NR6A1: variants seen among roughly 807,000 people sequenced by gnomAD.
The protein encoded by NR6A1 is nuclear receptor subfamily 6 group A member 1.
A neutral mutation model predicts 59.1 loss-of-function variants in NR6A1; 7 were observed. That is an observed-to-expected ratio of 0.12 (90% CI 0.07 to 0.22). NR6A1 has a LOEUF of 0.22. Ranked by LOEUF, NR6A1 falls within the 10% of genes least tolerant of loss-of-function variation. The probability of loss-of-function intolerance (pLI) is 1.00; values close to 1 mark genes in which losing one functional copy is unlikely to be tolerated. For synonymous variants in NR6A1, 243 were observed against 236.1 expected (o/e 1.03, Z -0.27); for missense variants, 468 against 611.6 (o/e 0.77, Z 2.48).
chr9:124,651,219 G>A (rs1318966648), intron 2 of NR6A1, among the ~76,000 whole-genome samples: 1 of 152,056 alleles, frequency 6.6e-6, no homozygotes, highest in South Asian at 2.1e-4. Flanking sequence ...ACTATGCCTG[G>A]TTAATTTTTG....
At chr9:124,561,945 T>TA (rs1157049230) in intron 2 of NR6A1, among the ~76,000 whole-genome samples, 3 of 152,000 alleles carry the variant, frequency 2.0e-5, no homozygotes, top group African/African-American at 7.2e-5. Context: ...ACAAAAAACT[T>TA]AAAAAAATGT....
At position 124,524,551 on chromosome 9, in the gene NR6A1, G is replaced by A. The variant is rs551172053; in HGVS notation, c.1354+170C>T. On this transcript the variant is annotated intron_variant, in intron 9 of 9. Coordinates refer to ENST00000487099, the MANE Select transcript of NR6A1 (RefSeq NM_033334.4). ...GAAATTAACTTCTCTTCTCTATGGAGAATGCAAGCTTCTCATTATAACAGA... is the reference window on the plus strand; with the variant it reads ...GAAATTAACTTCTCTTCTCTATGGAAAATGCAAGCTTCTCATTATAACAGA... Among the ~76,000 whole-genome samples, 162 of 152,248 alleles carry A rather than the reference G, an allele frequency of 1.1e-3. 1 individual carries two copies. The highest frequency in any genetic ancestry group is 3.8e-3 in the African/African-American group (158 of 41,536).
chr9:124,647,738 A>G (rs570518879), intron 2 of NR6A1, among the ~76,000 whole-genome samples: 34 of 117,620 alleles, frequency 2.9e-4, no homozygotes, highest in South Asian at 1.9e-3. Context: ...AAAAAAAAAA[A>G]AAAGAAAGAA....
intron 2 of NR6A1, among the ~76,000 whole-genome samples, chr9:124,588,105 AC>A (rs1431348093): frequency 6.6e-6 from 1 of 152,246 alleles, no homozygotes; most frequent in Non-Finnish European, 1.5e-5. Flanking sequence ...AAACTAACTA[AC>A]TAATAAATCG....
chr9:124,612,228 A>G (rs1191259193), intron 2 of NR6A1, among the ~76,000 whole-genome samples: 1 of 151,926 alleles, frequency 6.6e-6, no homozygotes, highest in Non-Finnish European at 1.5e-5. Context: ...GACTTGAACC[A>G]CTCTTCTCTT....
At chr9:124,680,689 C>T (rs1356763642) in intron 2 of NR6A1, among the ~76,000 whole-genome samples, 1 of 152,158 alleles carries the variant, frequency 6.6e-6, no homozygotes, top group Non-Finnish European at 1.5e-5. Flanking sequence ...TCTGAAGGGA[C>T]TACGAGAGTT....
intron 7 of NR6A1, among the ~76,000 whole-genome samples, chr9:124,531,084 T>C (rs1259429338): frequency 1.3e-5 from 2 of 152,222 alleles, no homozygotes; most frequent in South Asian, 2.1e-4. Flanking sequence ...AATAGCATCA[T>C]CATCTCTCTC....
chr9:124,767,282 T>C (rs112757512), intron 1 of NR6A1, among the ~76,000 whole-genome samples: 44 of 152,228 alleles, frequency 2.9e-4, no homozygotes, highest in South Asian at 8.3e-4. Context: ...CACATGTGCC[T>C]TGCATACACC....
chr9:124,603,824 G>A (rs554844753), intron 2 of NR6A1, among the ~76,000 whole-genome samples: 9 of 152,204 alleles, frequency 5.9e-5, no homozygotes, highest in South Asian at 2.1e-4. Context: ...AGCCATTCCC[G>A]CAAAGCCAAA....
chr9:124,738,151 G>T (rs967820684), intron 1 of NR6A1, among the ~76,000 whole-genome samples: 1 of 152,084 alleles, frequency 6.6e-6, no homozygotes, highest in Non-Finnish European at 1.5e-5. Flanking sequence ...CTACTCAGGA[G>T]GCTGAGGCAA....
At chr9:124,769,252 T>TAAA (rs11324073) in intron 1 of NR6A1, among the ~76,000 whole-genome samples, 1 of 141,898 alleles carries the variant, frequency 7.0e-6, no homozygotes. Context: ...ATACACAAAT[T>TAAA]AAAAAAAAAA....
intron 2 of NR6A1, among the ~76,000 whole-genome samples, chr9:124,655,041 A>G (rs1055197915): frequency 2.0e-5 from 3 of 152,178 alleles, no homozygotes; most frequent in Admixed American, 6.5e-5. Flanking sequence ...GCCTTTGCCA[A>G]CTGAGTTCAG....
Position 124,594,060 on chromosome 9 carries a change from C to G in NR6A1, c.143-39490G>C, listed in dbSNP as rs577890265. On this transcript the variant is annotated intron_variant, in intron 2 of 9. Transcript: ENST00000487099. ...AAAGGTTAATTTAAATGGACAAGGG[C>G]CCAATATCTAAAACCAGGCAATGCT... is the stretch of plus-strand genomic sequence containing the variant. Among the ~76,000 whole-genome samples, 16 of 152,286 alleles carry G rather than the reference C, an allele frequency of 1.1e-4. No homozygotes were observed. In the South Asian group the frequency reaches 3.3e-3, roughly 32 times the overall value.
intron 2 of NR6A1, among the ~76,000 whole-genome samples, chr9:124,681,539 G>A (rs752680665): frequency 1.3e-5 from 2 of 151,788 alleles, no homozygotes; most frequent in Non-Finnish European, 2.9e-5. Context: ...ATAGGTTTTC[G>A]TTATGTTGGT....
intron 2 of NR6A1, among the ~76,000 whole-genome samples, chr9:124,643,224 G>C (rs1000106358): frequency 6.6e-6 from 1 of 152,142 alleles, no homozygotes; most frequent in African/African-American, 2.4e-5. Context: ...CACTTTCAGA[G>C]GCTGAGGCGG....
At chr9:124,585,646 TA>T (rs1834909440) in intron 2 of NR6A1, among the ~76,000 whole-genome samples, 1 of 149,036 alleles carries the variant, frequency 6.7e-6, no homozygotes, top group South Asian at 2.2e-4. Context: ...GTGGCTACAC[TA>T]AACAACTGAT....
Position 124,522,677 on chromosome 9 carries a change from T to A in NR6A1, c.*28A>T. ...GTCCTGCCCACCCAAGACGCTGTGG[T>A]TGGCCTGAGGAGGGCGCCTGGAACA... is the stretch of plus-strand genomic sequence containing the variant. On this transcript the variant is annotated 3_prime_UTR_variant, in exon 10 of 10. Transcript: ENST00000487099. The A allele has an allele frequency of 6.5e-7, 1 of 1,545,108 alleles. No homozygotes were observed. The highest frequency in any genetic ancestry group is 1.2e-5 in the South Asian group (1 of 83,906).
chr9:124,648,650 T>C (rs1346776979), intron 2 of NR6A1, among the ~76,000 whole-genome samples: 2 of 151,010 alleles, frequency 1.3e-5, no homozygotes, highest in East Asian at 3.9e-4. Context: ...AAAGAAGAAG[T>C]CAAACTGTCC....
chr9:124,684,816 C>G (rs1373822566), intron 2 of NR6A1, among the ~76,000 whole-genome samples: 1 of 152,186 alleles, frequency 6.6e-6, no homozygotes. Flanking sequence ...CCCAACACCA[C>G]TCAGTACTGC....
Sources: allele counts gnomAD v4.1 joint callset (sites outside exome capture counted in the v4.1 genomes callset), GRCh38; gene constraint gnomAD v4.1.1; transcripts MANE v1.5; gene names NCBI Gene and HGNC (gene_info 2026-07-23, HGNC 2026-07-21).